Variants in WDR17 observed in about 807,000 individuals in gnomAD.
WDR17 encodes the protein WD repeat domain 17.
Under a neutral mutation model 161.7 loss-of-function variants are expected in WDR17, and 143 were observed. The observed-to-expected ratio is 0.88, with a 90% confidence interval of 0.77 to 1.02. The LOEUF is 1.02. Among genes scored for constraint, WDR17 ranks in the 50% least tolerant of loss-of-function variants. The pLI, the probability that WDR17 is intolerant of heterozygous loss-of-function variation, is 0.00. For missense variants in WDR17, 1,469 were observed against 1,520.9 expected (o/e 0.97, Z 0.57); for synonymous variants, 517 against 515.6 (o/e 1.00, Z -0.04).
At chr4:176,125,052 A>G (rs1036402542) in intron 4 of WDR17, 52 bp from the exon 5 acceptor site, 2 of 1,587,468 alleles carry the variant, frequency 1.3e-6, no homozygotes, top group East Asian at 2.2e-5. Context: ...CATCTAAATT[A>G]TTGATCTTTT....
rs1329220570 is a variant in WDR17, at chr4:176,180,716, A to G, written c.*1137A>G. On this transcript the variant is annotated 3_prime_UTR_variant, in exon 29 of 29. Coordinates refer to ENST00000508596, the MANE Select transcript of WDR17 (RefSeq NM_181265.4). The stretch of plus-strand genomic sequence containing the variant: ...AAAGAGCGAAACTCTGTCTCAAAAA[A>G]CAAACCAACAAAAACCACAATTGAT... 1 of 152,194 alleles carries G rather than the reference A, an allele frequency of 6.6e-6. No individual in the cohort carries two copies. The highest frequency in any genetic ancestry group is 1.5e-5 in the Non-Finnish European group (1 of 68,040). 9.4% of individuals were successfully genotyped at this position (152,194 alleles called of 1,614,324 possible).
intron 1 of WDR17, among the ~76,000 whole-genome samples, chr4:176,072,418 A>G (rs969929586): frequency 3.4e-4 from 52 of 152,228 alleles, no homozygotes; most frequent in African/African-American, 1.2e-3. Context: ...GTGATTCACA[A>G]GTCTGCATTT....
Position 176,168,846 on chromosome 4 carries a change from G to A in WDR17, c.3102+63G>A, listed in dbSNP as rs191388692. ...AGTGCTATGATTTAATTAATTGTAG[G>A]TTCAAGCAAATAGAGATGCATGCAG... On this transcript the variant is annotated intron_variant, in intron 23 of 28. Coordinates refer to ENST00000508596, the MANE Select transcript of WDR17 (RefSeq NM_181265.4). The A allele has an allele frequency of 2.6e-6, 4 of 1,549,712 alleles. No individual in the cohort carries two copies. The Admixed American group carries it at 5.7e-5, about 22-fold the overall frequency.
Position 176,181,550 on chromosome 4 carries a change from G to C in WDR17, c.*1971G>C, listed in dbSNP as rs771147721. The C allele has an allele frequency of 9.5e-6, 2 of 210,570 alleles. No individual in the cohort carries two copies. The highest frequency in any genetic ancestry group is 1.6e-4 in the South Asian group (2 of 12,888). 13.0% of individuals were successfully genotyped at this position (210,570 alleles called of 1,614,324 possible). ...AGATGCAATGGATAATATAAAAAGAGTACCTGAGATGTATTTTTTTAAACT... is the reference window on the plus strand; with the variant it reads ...AGATGCAATGGATAATATAAAAAGACTACCTGAGATGTATTTTTTTAAACT... On this transcript the variant is annotated 3_prime_UTR_variant, in exon 29 of 29. Coordinates refer to ENST00000508596, the MANE Select transcript of WDR17 (RefSeq NM_181265.4).
chr4:176,122,123 AG>A (rs1164694153), intron 4 of WDR17, among the ~76,000 whole-genome samples: 2 of 152,196 alleles, frequency 1.3e-5, no homozygotes, highest in South Asian at 4.1e-4. Context: ...GAAGGCCCAA[AG>A]AAAGGATCTG....
At chr4:176,177,346 G>C (rs1751591621) in intron 27 of WDR17, 125 bp from the exon 28 acceptor site, 3 of 1,047,750 alleles carry the variant, frequency 2.9e-6, no homozygotes, top group Non-Finnish European at 4.1e-6. Context: ...TATAAATTAA[G>C]TCTAAAGGGA....
intron 1 of WDR17, among the ~76,000 whole-genome samples, chr4:176,086,203 T>C (rs1189814768): frequency 2.0e-5 from 3 of 152,038 alleles, no homozygotes; most frequent in Non-Finnish European, 4.4e-5. Context: ...ATTTTCTTTA[T>C]GGCTCTGCAC....
At chr4:176,092,579 C>A (rs1459815231) in intron 1 of WDR17, among the ~76,000 whole-genome samples, 1 of 152,004 alleles carries the variant, frequency 6.6e-6, no homozygotes, top group Non-Finnish European at 1.5e-5. Context: ...CAAGTTGGAA[C>A]AAAAGAAATC....
chr4:176,157,412 A>T (rs1748327259), intron 18 of WDR17, among the ~76,000 whole-genome samples: 1 of 152,152 alleles, frequency 6.6e-6, no homozygotes, highest in Non-Finnish European at 1.5e-5. Flanking sequence ...TTGCCATGGG[A>T]AAGTAGACTG....
chr4:176,160,270 C>A, intron 19 of WDR17, 144 bp downstream of exon 19: 1 of 852,022 alleles, frequency 1.2e-6, no homozygotes, highest in Non-Finnish European at 1.7e-6. Context: ...CCTTCTTTCT[C>A]AACATTTGAG....
chr4:176,161,390 C>G (rs1005863186), intron 20 of WDR17, among the ~76,000 whole-genome samples: 1 of 151,914 alleles, frequency 6.6e-6, no homozygotes, highest in African/African-American at 2.4e-5. Flanking sequence ...GTTTATAATC[C>G]CATGACCCCA....
intron 19 of WDR17, 59 bp from the exon 20 acceptor site, chr4:176,160,852 A>T (rs1379012810): frequency 1.5e-6 from 2 of 1,370,104 alleles, no homozygotes; most frequent in Non-Finnish European, 2.0e-6. Flanking sequence ...TCATATTCTG[A>T]AATGTGTCAA....
rs964353763 is a variant in WDR17, at chr4:176,147,570, C to T, written c.1695-563C>T. ...TGACATTTCAGATAATACCCATCAT[C>T]ATACATGTTATACTTTTATAATTTA... On this transcript the variant is annotated intron_variant, in intron 12 of 28. Transcript: ENST00000508596. 2.0e-5 allele frequency among the ~76,000 whole-genome samples: 3 copies of T among 152,262 alleles called. No homozygotes were observed. In the East Asian group the frequency reaches 5.8e-4, roughly 29 times the overall value.
chr4:176,150,455 G>A lies in WDR17; in HGVS notation c.2179-13G>A. 1 of 1,585,988 alleles carries A rather than the reference G, an allele frequency of 6.3e-7. No individual in the cohort carries two copies. The highest frequency in any genetic ancestry group is 8.5e-7 in the Non-Finnish European group (1 of 1,171,954). The stretch of plus-strand genomic sequence containing the variant: ...ATTCACTATTCCATATTTATTTTTT[G>A]TCAACTCTTTAGCCTCCAGGTGGCA... On this transcript the variant is annotated splice_polypyrimidine_tract_variant and intron_variant, in intron 15 of 28. Coordinates refer to ENST00000508596, the MANE Select transcript of WDR17 (RefSeq NM_181265.4).
At chr4:176,093,999 A>C (rs922590232) in intron 1 of WDR17, among the ~76,000 whole-genome samples, 2 of 152,216 alleles carry the variant, frequency 1.3e-5, no homozygotes, top group African/African-American at 4.8e-5. Context: ...CTCTATGAAT[A>C]CGGTATTTTA....
chr4:176,156,151 A>G lies in WDR17; in HGVS notation c.2525+8A>G, dbSNP rs769267168. On this transcript the variant is annotated splice_region_variant and intron_variant, in intron 18 of 28. Transcript: ENST00000508596. ...GAAGAAGTTAATGCAGAGGTAAGGC[A>G]GAGAGAGTCCGTGTTAAAACAGATG... is the stretch of plus-strand genomic sequence containing the variant. 1.9e-6 allele frequency: 3 copies of G among 1,612,378 alleles called. No homozygotes were observed. The highest frequency in any genetic ancestry group is 2.5e-6 in the Non-Finnish European group (3 of 1,179,184).
At position 176,094,333 on chromosome 4, in the gene WDR17, G is replaced by A. The variant is rs145450288; in HGVS notation, c.-6-17242G>A. Among the ~76,000 whole-genome samples, 839 of 152,234 alleles carry A rather than the reference G, an allele frequency of 5.5e-3. 19 individuals are homozygous for A. The highest frequency in any genetic ancestry group is 0.037 in the Admixed American group (560 of 15,276). On this transcript the variant is annotated intron_variant, in intron 1 of 28. Transcript: ENST00000508596. ...TATCTTCTATACAAAGATGATTAAG[G>A]CTTGGTCTTTTGGGGAACTCACAAT...
chr4:176,168,622 A>G (rs1363767107), intron 22 of WDR17, 50 bp from the exon 23 acceptor site: 1 of 1,607,302 alleles, frequency 6.2e-7, no homozygotes, highest in Non-Finnish European at 8.5e-7. Flanking sequence ...TATGAATGTT[A>G]TTTTTAAATC....
chr4:176,156,633 C>T (rs954491397), intron 18 of WDR17, among the ~76,000 whole-genome samples: 8 of 151,026 alleles, frequency 5.3e-5, no homozygotes, highest in African/African-American at 1.2e-4. Flanking sequence ...TGCAATAACC[C>T]GACAAGATTT....
Sources: gnomAD v4.1 joint callset for allele counts (sites outside exome capture counted in the v4.1 genomes callset) on GRCh38, gnomAD v4.1.1 for gene constraint, MANE v1.5 for transcripts, NCBI Gene and HGNC (gene_info 2026-07-23, HGNC 2026-07-21) for gene names.